The following MARCHF8 variants were observed in gnomAD, a reference collection of about 807,000 sequenced individuals.
The protein encoded by MARCHF8 is E3 ubiquitin-protein ligase MARCHF8.
Under a neutral mutation model 51.6 loss-of-function variants are expected in MARCHF8, and 40 were observed. The ratio of observed to expected loss-of-function variants is 0.77; its 90% confidence interval spans 0.60 to 1.01. The LOEUF (loss-of-function observed/expected upper bound fraction) is 1.01. Ranked by LOEUF, MARCHF8 falls within the 50% of genes least tolerant of loss-of-function variation. The pLI is 0.00. For synonymous variants in MARCHF8, 263 were observed against 280.3 expected (o/e 0.94, Z 0.62); for missense variants, 685 against 708.6 (o/e 0.97, Z 0.38).
intron 1 of MARCHF8, among the ~76,000 whole-genome samples, chr10:45,545,123 C>T (rs1046599996): frequency 6.6e-6 from 1 of 152,056 alleles, no homozygotes; most frequent in Non-Finnish European, 1.5e-5. Flanking sequence ...AATGAAGAAC[C>T]TCTACTTCAT....
chr10:45,488,493 TG>T (rs35082763), intron 3 of MARCHF8, among the ~76,000 whole-genome samples: 8,436 of 152,090 alleles, frequency 0.055, 284 homozygotes, highest in Non-Finnish European at 0.066. Context: ...CGAAGACCCA[TG>T]GGACGTGACC....
intron 2 of MARCHF8, among the ~76,000 whole-genome samples, chr10:45,508,878 C>A (rs2043439497): frequency 6.6e-6 from 1 of 151,976 alleles, no homozygotes; most frequent in Admixed American, 6.6e-5. Flanking sequence ...TCACAGAAAC[C>A]AGATTTCCTT....
At chr10:45,497,409 A>AC (rs1340768712) in intron 2 of MARCHF8, among the ~76,000 whole-genome samples, 2 of 152,170 alleles carry the variant, frequency 1.3e-5, no homozygotes, top group Non-Finnish European at 2.9e-5. Flanking sequence ...AAAGACTTGA[A>AC]CAGCACTAAA....
chr10:45,549,282 T>G (rs1447692277), intron 1 of MARCHF8, among the ~76,000 whole-genome samples: 1 of 152,202 alleles, frequency 6.6e-6, no homozygotes, highest in Non-Finnish European at 1.5e-5. Context: ...TTCCATTTTC[T>G]CTTGCTATGT....
At chr10:45,587,908 T>C (rs2044634677) in intron 1 of MARCHF8, among the ~76,000 whole-genome samples, 1 of 152,016 alleles carries the variant, frequency 6.6e-6, no homozygotes. Flanking sequence ...TTAGACCAGC[T>C]AGCTTGAGCC....
chr10:45,482,542 T>C (rs1346815185), intron 3 of MARCHF8, among the ~76,000 whole-genome samples: 1 of 152,160 alleles, frequency 6.6e-6, no homozygotes, highest in Non-Finnish European at 1.5e-5. Context: ...TCATCTGACA[T>C]CAGGAGTTCA....
At chr10:45,465,864 G>C (rs1275471841) in intron 3 of MARCHF8, among the ~76,000 whole-genome samples, 3 of 152,210 alleles carry the variant, frequency 2.0e-5, no homozygotes, top group African/African-American at 7.2e-5. Context: ...AAAAGCATTA[G>C]AGGTCAAAGT....
At chr10:45,591,253 C>T (rs1200999023) in intron 1 of MARCHF8, among the ~76,000 whole-genome samples, 6 of 152,170 alleles carry the variant, frequency 3.9e-5, no homozygotes, top group Non-Finnish European at 7.3e-5. Flanking sequence ...TTCACATGGA[C>T]GCCTGAGACA....
chr10:45,585,788 T>C (rs1203213370), intron 1 of MARCHF8, among the ~76,000 whole-genome samples: 1 of 152,132 alleles, frequency 6.6e-6, no homozygotes, highest in Non-Finnish European at 1.5e-5. Flanking sequence ...ATCAAACTTC[T>C]ACATAACAAA....
intron 2 of MARCHF8, among the ~76,000 whole-genome samples, chr10:45,503,347 C>T (rs992618162): frequency 3.9e-5 from 6 of 151,980 alleles, no homozygotes; most frequent in Non-Finnish European, 7.4e-5. Flanking sequence ...ACCATCCTGG[C>T]CAACACGGTA....
At chr10:45,588,512 T>C (rs1423943527) in intron 1 of MARCHF8, among the ~76,000 whole-genome samples, 1 of 152,238 alleles carries the variant, frequency 6.6e-6, no homozygotes, top group South Asian at 2.1e-4. Flanking sequence ...TGTACTGCTA[T>C]ATTGTCTTAA....
At chr10:45,525,243 A>C (rs1451257037) in intron 2 of MARCHF8, among the ~76,000 whole-genome samples, 1 of 152,144 alleles carries the variant, frequency 6.6e-6, no homozygotes, top group Non-Finnish European at 1.5e-5. Flanking sequence ...GCATGGTAAA[A>C]TCCTCCTTTT....
intron 1 of MARCHF8, among the ~76,000 whole-genome samples, chr10:45,564,333 C>T (rs35934513): frequency 0.062 from 9,383 of 152,026 alleles, 328 homozygotes; most frequent in Non-Finnish European, 0.066. Context: ...ACAGAAAAGA[C>T]TGAAAATTAA....
At chr10:45,563,079 T>C (rs2044328518) in intron 1 of MARCHF8, among the ~76,000 whole-genome samples, 1 of 151,758 alleles carries the variant, frequency 6.6e-6, no homozygotes, top group South Asian at 2.1e-4. Context: ...CAGGCTGGAG[T>C]GCAGTGGCAC....
intron 6 of MARCHF8, among the ~76,000 whole-genome samples, chr10:45,460,486 T>C (rs1387433676): frequency 6.6e-6 from 1 of 152,252 alleles, no homozygotes; most frequent in Non-Finnish European, 1.5e-5. Flanking sequence ...TAGCATTTAA[T>C]TGGCTAGTAT....
intron 7 of MARCHF8, 57 bp from the exon 8 acceptor site, chr10:45,458,600 A>G: frequency 2.0e-6 from 3 of 1,481,838 alleles, no homozygotes; most frequent in East Asian, 4.6e-5. Context: ...GTAAAGAAAA[A>G]CACAACTTCT....
rs934821926 is a variant in MARCHF8, at chr10:45,465,130, A to C, written c.154-803T>G. On this transcript the variant is annotated intron_variant, in intron 3 of 7. Coordinates refer to ENST00000453424, the MANE Select transcript of MARCHF8 (RefSeq NM_001282866.2). ...GAGAGAAATAGGGACAGTGAGTGGC[A>C]CTGAGCTGAGGATGCACCACCACCG... Among the ~76,000 whole-genome samples, 3 of 152,250 alleles carry C rather than the reference A, an allele frequency of 2.0e-5. No individual in the cohort carries two copies. In the South Asian group the frequency reaches 6.2e-4, roughly 32 times the overall value.
chr10:45,463,890 T>C lies in MARCHF8; in HGVS notation c.349A>G (p.Thr117Ala). The change falls in exon 5 of 8, where the codon ACA (threonine) becomes GCA (alanine). Residue 117 changes from threonine to alanine, a missense_variant. Physicochemically the swap from Thr to Ala is moderately conservative, Grantham distance 58. Coordinates refer to ENST00000453424, the MANE Select transcript of MARCHF8 (RefSeq NM_001282866.2). ...QSSLTQGLTV[T>A]VICKDTLQAS... ...TGTAATGTGTCCTTACAGATAACTG[T>C]CACAGTGAGCCCTTGTGTCAGAGAA... The C allele has an allele frequency of 6.5e-7, 1 of 1,536,962 alleles. No homozygotes were observed. The highest frequency in any genetic ancestry group is 8.7e-7 in the Non-Finnish European group (1 of 1,146,934).
intron 1 of MARCHF8, among the ~76,000 whole-genome samples, chr10:45,533,888 A>T (rs1435811265): frequency 2.0e-5 from 3 of 152,198 alleles, no homozygotes; most frequent in African/African-American, 7.2e-5. Context: ...GCACCCATAG[A>T]GAGCATGTAA....
Sources: allele counts gnomAD v4.1 joint callset (sites outside exome capture counted in the v4.1 genomes callset), GRCh38; gene constraint gnomAD v4.1.1; transcripts MANE v1.5; gene names NCBI Gene and HGNC (gene_info 2026-07-23, HGNC 2026-07-21).